The following DNA2 variants were observed in gnomAD, a reference collection of about 807,000 sequenced individuals.
DNA2 encodes the protein DNA replication ATP-dependent helicase/nuclease DNA2.
In DNA2, 101 loss-of-function variants were observed where a neutral mutation model predicts 119.1. That is an observed-to-expected ratio of 0.85 (90% CI 0.72 to 1.00). The LOEUF is 1.00. DNA2 is among the 50% of genes least tolerant of loss of function. The probability of loss-of-function intolerance (pLI) is 0.00; values close to 1 mark genes in which losing one functional copy is unlikely to be tolerated. For missense variants in DNA2, 1,121 were observed against 1,255.5 expected (o/e 0.89, Z 1.62); for synonymous variants, 366 against 424.4 (o/e 0.86, Z 1.69).
In DNA2 at chr10:68,445,023, G is replaced by A; in HGVS notation, c.1118C>T (p.Ala373Val). Residue 373 changes from alanine (A) to valine (V), a missense_variant, in exon 8 of 21, where the codon GCT becomes GTT. Physicochemically the swap from Ala to Val is moderately conservative, Grantham distance 64. Coordinates refer to ENST00000358410, the MANE Select transcript of DNA2 (RefSeq NM_001080449.3). ...FSLFHRISKS[A>V]TRQKTQLASL... ...AGCAAGCTGTGTCTTCTGTCTAGTA[G>A]CAGATTTGCTAATACGGTGAAACAA... 2 of 1,613,122 alleles carry A rather than the reference G, an allele frequency of 1.2e-6. No individual in the cohort carries two copies. Among genetic ancestry groups the A allele is most frequent in the Non-Finnish European group, 1.7e-6 (2 of 1,179,420 alleles).
intron 9 of DNA2, among the ~76,000 whole-genome samples, chr10:68,442,034 T>A (rs2051975539): frequency 6.6e-6 from 1 of 151,660 alleles, no homozygotes; most frequent in Non-Finnish European, 1.5e-5. Flanking sequence ...CAAGCCATCC[T>A]CCCACCTCAT....
intron 14 of DNA2, among the ~76,000 whole-genome samples, chr10:68,425,454 A>G (rs1421121107): frequency 2.1e-5 from 3 of 142,332 alleles, no homozygotes; most frequent in African/African-American, 7.9e-5. Context: ...AGGCTGGAGT[A>G]CAGTGGCGGC....
intron 5 of DNA2, among the ~76,000 whole-genome samples, chr10:68,450,562 G>C (rs1358371617): frequency 6.6e-6 from 1 of 152,052 alleles, no homozygotes; most frequent in South Asian, 2.1e-4. Context: ...ACTGTTCTAC[G>C]GGCTCTGCTC....
intron 9 of DNA2, among the ~76,000 whole-genome samples, chr10:68,437,500 A>G (rs2051906000): frequency 6.6e-6 from 1 of 151,648 alleles, no homozygotes; most frequent in Non-Finnish European, 1.5e-5. Context: ...AAAATAAAAA[A>G]TTAGCCAGGT....
intron 6 of DNA2, among the ~76,000 whole-genome samples, chr10:68,448,986 T>TG (rs1564890477): frequency 2.1e-5 from 3 of 141,248 alleles, no homozygotes; most frequent in African/African-American, 5.6e-5. Context: ...TGTGTGTGTG[T>TG]AGTAGTTTCA....
rs190519727 is a variant in DNA2 at position 68,456,159 on chromosome 10, T to C, written c.719+2945A>G. Among the ~76,000 whole-genome samples the C allele has an allele frequency of 2.6e-4, 39 of 152,088 alleles. No individual in the cohort carries two copies. The East Asian group carries it at 6.8e-3, about 26-fold the overall frequency. ...ACTGTTTGAACTCAGGAGGCAGAGGTTGCAGTGAGCCTAAATCACACCACT... is the reference window on the plus strand; with the variant it reads ...ACTGTTTGAACTCAGGAGGCAGAGGCTGCAGTGAGCCTAAATCACACCACT... On this transcript the variant is annotated intron_variant, in intron 5 of 20. Coordinates refer to ENST00000358410, the MANE Select transcript of DNA2 (RefSeq NM_001080449.3).
intron 5 of DNA2, among the ~76,000 whole-genome samples, chr10:68,455,196 C>A (rs970161876): frequency 2.6e-5 from 4 of 151,874 alleles, no homozygotes; most frequent in African/African-American, 9.7e-5. Flanking sequence ...CCTCAGCCAC[C>A]CAAAGTGATG....
In DNA2 at chr10:68,446,364, G is replaced by C. The variant is rs748704021; in HGVS notation, c.989C>G (p.Ala330Gly). ...LSQERRADPE[A>G]GLLLYLKTGQ... ...AGTCTTGAGGTAGAGAAGCAAGCCA[G>C]CCTCTGGATCAGCTCTTCTCTCTTG... The change falls in exon 7 of 21, where the codon GCT becomes GGT. Residue 330 changes from alanine (A) to glycine (G), a missense_variant. Ala to Gly is a moderately conservative substitution (Grantham distance 60). Coordinates refer to ENST00000358410, the MANE Select transcript of DNA2 (RefSeq NM_001080449.3). The C allele has an allele frequency of 2.5e-6, 4 of 1,599,416 alleles. No individual in the cohort carries two copies. The Admixed American group carries it at 6.9e-5, about 28-fold the overall frequency.
rs764300882 is a variant in DNA2, at chr10:68,468,160, C to T, written c.404G>A (p.Arg135Gln). 10 of 1,606,332 alleles carry T rather than the reference C, an allele frequency of 6.2e-6. No individual in the cohort carries two copies. Among genetic ancestry groups the T allele is most frequent in the African/African-American group, 2.7e-5 (2 of 74,754 alleles). The change falls in exon 3 of 21, where the codon CGA (arginine) becomes CAA (glutamine). Residue 135 changes from arginine (R) to glutamine (Q), a missense_variant. Physicochemically the swap from Arg to Gln is conservative, Grantham distance 43 (BLOSUM62 1). Coordinates refer to ENST00000358410, the MANE Select transcript of DNA2 (RefSeq NM_001080449.3). Reference sequence around the variant, plus strand: ...ACTCAGGACAGCTCTTCTCATACATCGAATACTACTGGCTATGCTGGTGCC... The same window carrying T: ...ACTCAGGACAGCTCTTCTCATACATTGAATACTACTGGCTATGCTGGTGCC... ...ISGTSIASSI[R>Q]CMRRAVLSET...
chr10:68,469,620 AC>A (rs2133452003), intron 2 of DNA2, among the ~76,000 whole-genome samples: 1 of 151,786 alleles, frequency 6.6e-6, no homozygotes, highest in Non-Finnish European at 1.5e-5. Context: ...GTGCCACCAT[AC>A]CCAGCTAATT....
rs188268277 is a variant in DNA2, at chr10:68,444,536, C to T, written c.1220+385G>A. On this transcript the variant is annotated intron_variant, in intron 8 of 20. Coordinates refer to ENST00000358410, the MANE Select transcript of DNA2 (RefSeq NM_001080449.3). ...GTTCGGGAGTTGGAGACCAGCCTGA[C>T]CAACACGGTGAAACCTCTTCTCTAC... 3.0e-4 allele frequency among the ~76,000 whole-genome samples: 46 copies of T among 152,010 alleles called. No homozygotes were observed. In the East Asian group the frequency reaches 4.2e-3, roughly 14 times the overall value.
chr10:68,455,832 AAAACAAAC>A (rs202026718), intron 5 of DNA2, among the ~76,000 whole-genome samples: 1 of 151,862 alleles, frequency 6.6e-6, no homozygotes, highest in Non-Finnish European at 1.5e-5. Flanking sequence ...AAAACAAAAC[AAAACAAAC>A]AAACAAACAA....
At chr10:68,465,879 T>C in intron 3 of DNA2, 67 bp from the exon 4 acceptor site, 1 of 1,313,024 alleles carries the variant, frequency 7.6e-7, no homozygotes, top group East Asian at 2.7e-5. Context: ...ATTTATTACC[T>C]AATCTATTAA....
intron 14 of DNA2, among the ~76,000 whole-genome samples, chr10:68,430,058 T>C (rs1292357607): frequency 6.6e-6 from 1 of 151,642 alleles, no homozygotes; most frequent in Admixed American, 6.6e-5. Flanking sequence ...TAATTTTTTT[T>C]GTATTTTTAG....
chr10:68,425,405 C>CTT (rs769692060), intron 14 of DNA2, among the ~76,000 whole-genome samples: 5 of 123,338 alleles, frequency 4.1e-5, no homozygotes, highest in African/African-American at 1.2e-4. Flanking sequence ...TGTTTGTGTT[C>CTT]TTTTTTTTTT....
chr10:68,435,888 G>C (rs952784809), intron 10 of DNA2, among the ~76,000 whole-genome samples: 2 of 152,180 alleles, frequency 1.3e-5, no homozygotes, highest in South Asian at 2.1e-4. Flanking sequence ...AGCATGCAAG[G>C]AGAAATAAGC....
chr10:68,428,663 G>C (rs968442424), intron 14 of DNA2, among the ~76,000 whole-genome samples: 1 of 152,130 alleles, frequency 6.6e-6, no homozygotes, highest in African/African-American at 2.4e-5. Context: ...CTATTAATAC[G>C]TACAACTATC....
At chr10:68,436,329 G>A (rs910298150) in intron 10 of DNA2, among the ~76,000 whole-genome samples, 6 of 152,158 alleles carry the variant, frequency 3.9e-5, no homozygotes, top group Admixed American at 6.6e-5. Context: ...AAAAGGTCAC[G>A]TATTGTATGG....
chr10:68,443,498 A>C (rs1353390392), intron 8 of DNA2, among the ~76,000 whole-genome samples: 1 of 152,234 alleles, frequency 6.6e-6, no homozygotes, highest in African/African-American at 2.4e-5. Context: ...ATTTTGCTTA[A>C]TACCAGATTA....
Sources: gnomAD v4.1 joint callset for allele counts (sites outside exome capture counted in the v4.1 genomes callset) on GRCh38, gnomAD v4.1.1 for gene constraint, MANE v1.5 for transcripts, NCBI Gene and HGNC (gene_info 2026-07-23, HGNC 2026-07-21) for gene names.